LDLRAD2: variants seen among roughly 807,000 people sequenced by gnomAD.
LDLRAD2 encodes the protein low density lipoprotein receptor class A domain containing 2.
A neutral mutation model predicts 24.9 loss-of-function variants in LDLRAD2; 25 were observed. The observed-to-expected ratio is 1.00, with a 90% confidence interval of 0.73 to 1.40. LDLRAD2 has a LOEUF of 1.40. LDLRAD2 is among the 40% of genes most tolerant of loss of function. The pLI is 0.00. For missense variants in LDLRAD2, 391 were observed against 366.2 expected, an observed-to-expected ratio of 1.07 and a Z score of -0.55; for synonymous variants, 182 against 166.7, an observed-to-expected ratio of 1.09 and a Z score of -0.71.
At chr1:21,814,877 T>C in intron 2 of LDLRAD2, 54 bp downstream of exon 2, 2 of 1,396,410 alleles carry the variant, frequency 1.4e-6, no homozygotes, top group Non-Finnish European at 1.8e-6. Context: ...CATGCGGGAC[T>C]GGGGCCACAG....
At chr1:21,819,172 G>A (rs1277511658) in intron 3 of LDLRAD2, among the ~76,000 whole-genome samples, 2 of 151,740 alleles carry the variant, frequency 1.3e-5, no homozygotes, top group Non-Finnish European at 2.9e-5. Context: ...TCGGGAGTTC[G>A]AGACCAACCT....
At position 21,815,743 on chromosome 1, in the gene LDLRAD2, A is replaced by G. The variant is rs544883583; in HGVS notation, c.512-200A>G. 4.6e-5 allele frequency among the ~76,000 whole-genome samples: 7 copies of G among 152,308 alleles called. No homozygotes were observed. In the South Asian group the frequency reaches 1.4e-3, roughly 32 times the overall value. ...TGTAGTATTTACGGCTGTGCATGGC[A>G]CAGAAGAGGAAGTCAGTACATGTTA... On this transcript the variant is annotated intron_variant, in intron 2 of 4. Coordinates refer to ENST00000344642, the MANE Select transcript of LDLRAD2 (RefSeq NM_001013693.3).
At chr1:21,815,094 G>A (rs1170629139) in intron 2 of LDLRAD2, among the ~76,000 whole-genome samples, 5 of 152,024 alleles carry the variant, frequency 3.3e-5, no homozygotes, top group South Asian at 2.1e-4. Flanking sequence ...GCCCCAGTGC[G>A]CACACACATC....
rs563424051 is a variant in LDLRAD2, at chr1:21,820,440, G to A, written c.644-1010G>A. On this transcript the variant is annotated intron_variant, in intron 3 of 4. Transcript: ENST00000344642. The stretch of plus-strand genomic sequence containing the variant: ...CGGGAGGCTGAGGCAGGAGAATGGC[G>A]TGAACCCGGAAGGCGGAGCTTGCAG... Among the ~76,000 whole-genome samples the A allele has an allele frequency of 1.4e-4, 21 of 149,184 alleles. No individual in the cohort carries two copies. In the East Asian group the frequency reaches 3.8e-3, roughly 27 times the overall value.
In LDLRAD2 at chr1:21,823,516, G is replaced by A. The variant is rs1449004907; in HGVS notation, c.*1301G>A. 1 of 1,607,966 alleles carries A rather than the reference G, an allele frequency of 6.2e-7. No homozygotes were observed. The highest frequency in any genetic ancestry group is 1.3e-5 in the African/African-American group (1 of 74,912). On this transcript the variant is annotated 3_prime_UTR_variant, in exon 5 of 5. Transcript: ENST00000344642. ...GCCGGGAGGTGAGAGGACAGGGCCTGTGGGCTCCAGCAGCCCAGGAGGCGA... is the reference window on the plus strand; with the variant it reads ...GCCGGGAGGTGAGAGGACAGGGCCTATGGGCTCCAGCAGCCCAGGAGGCGA...
chr1:21,818,927 C>A (rs1265815580), intron 3 of LDLRAD2, among the ~76,000 whole-genome samples: 3 of 139,246 alleles, frequency 2.2e-5, no homozygotes, highest in Non-Finnish European at 3.1e-5. Context: ...CCCTCCCTGG[C>A]CCCGCCTCCC....
At position 21,823,272 on chromosome 1, in the gene LDLRAD2, G is replaced by T; in HGVS notation, c.*1057G>T. 6.9e-7 allele frequency: 1 copy of T among 1,438,966 alleles called. No homozygotes were observed. Among genetic ancestry groups the T allele is most frequent in the Non-Finnish European group, 9.2e-7 (1 of 1,088,758 alleles). The allele number at this position is 1,438,966 out of a possible 1,614,324, so 89.1% of individuals were successfully genotyped here. On this transcript the variant is annotated 3_prime_UTR_variant, in exon 5 of 5. Transcript: ENST00000344642. ...TAATAATAATATACTCGACATTGTC[G>T]GGCTGGGGCGTGGCCCGGGAGTCCG...
At position 21,824,047 on chromosome 1, in the gene LDLRAD2, G is replaced by T; in HGVS notation, c.*1832G>T. 1.5e-6 allele frequency: 2 copies of T among 1,360,624 alleles called. No homozygotes were observed. Among genetic ancestry groups the T allele is most frequent in the Non-Finnish European group, 2.1e-6 (2 of 968,156 alleles). The allele number at this position is 1,360,624 out of a possible 1,614,324, so 84.3% of individuals were successfully genotyped here. ...CACAGAGCTCAATACCTGCCTCTCT[G>T]CCCATGGTAGGGGGCGTCCTGCCCC... On this transcript the variant is annotated 3_prime_UTR_variant, in exon 5 of 5. Coordinates refer to ENST00000344642, the MANE Select transcript of LDLRAD2 (RefSeq NM_001013693.3). The surrounding 1 kb of genome is among the most constrained non-coding windows in gnomAD (Gnocchi z 5.9).
intron 3 of LDLRAD2, among the ~76,000 whole-genome samples, chr1:21,818,284 T>A (rs935599138): frequency 6.6e-6 from 1 of 152,204 alleles, no homozygotes; most frequent in African/African-American, 2.4e-5. Flanking sequence ...AGTGCTGGGA[T>A]TACAGGCGTG....
intron 1 of LDLRAD2, among the ~76,000 whole-genome samples, chr1:21,812,752 CT>C (rs1407050491): frequency 6.6e-6 from 1 of 152,202 alleles, no homozygotes; most frequent in Non-Finnish European, 1.5e-5. Flanking sequence ...AAGCAGGAGT[CT>C]GGGAGTGGGC....
chr1:21,819,098 G>A (rs2097947432), intron 3 of LDLRAD2, among the ~76,000 whole-genome samples: 2 of 152,012 alleles, frequency 1.3e-5, no homozygotes, highest in South Asian at 4.1e-4. Context: ...CCCTGGCCAG[G>A]TGCGGTGGCT....
intron 3 of LDLRAD2, among the ~76,000 whole-genome samples, chr1:21,818,447 T>C (rs1436990995): frequency 6.6e-6 from 1 of 152,202 alleles, no homozygotes; most frequent in Non-Finnish European, 1.5e-5. Flanking sequence ...TGCCCCACTA[T>C]TGGGATTTAT....
At position 21,823,866 on chromosome 1, in the gene LDLRAD2, G is replaced by C. The variant is rs1008997549; in HGVS notation, c.*1651G>C. On this transcript the variant is annotated 3_prime_UTR_variant, in exon 5 of 5. Transcript: ENST00000344642. ...GCTCTTTCTTTCCCCCGCTGAACGAGAGATCGGGCCCCACAAACACAGCTT... is the reference window on the plus strand; with the variant it reads ...GCTCTTTCTTTCCCCCGCTGAACGACAGATCGGGCCCCACAAACACAGCTT... 2.1e-5 allele frequency: 16 copies of C among 766,216 alleles called. No homozygotes were observed. In the African/African-American group the frequency reaches 2.8e-4, roughly 13 times the overall value. 47.5% of individuals were successfully genotyped at this position (766,216 alleles called of 1,614,324 possible). A position where few individuals can be genotyped will look rare whatever the true frequency, so the allele number is the denominator to read the frequency against.
intron 3 of LDLRAD2, among the ~76,000 whole-genome samples, chr1:21,818,711 C>T (rs1245600721): frequency 6.6e-6 from 1 of 152,158 alleles, no homozygotes; most frequent in Admixed American, 6.5e-5. Context: ...TGCTTCCCCG[C>T]CAGAGGTACC....
Position 21,824,014 on chromosome 1 carries a change from T to G in LDLRAD2, c.*1799T>G. The G allele has an allele frequency of 8.7e-7, 1 of 1,143,480 alleles. No individual in the cohort carries two copies. The highest frequency in any genetic ancestry group is 1.3e-5 in the South Asian group (1 of 76,116). The allele number at this position is 1,143,480 out of a possible 1,614,324, so 70.8% of individuals were successfully genotyped here. A position where few individuals can be genotyped will look rare whatever the true frequency, so the allele number is the denominator to read the frequency against. On this transcript the variant is annotated 3_prime_UTR_variant, in exon 5 of 5. Coordinates refer to ENST00000344642, the MANE Select transcript of LDLRAD2 (RefSeq NM_001013693.3). The surrounding 1 kb of genome is among the most constrained non-coding windows in gnomAD (Gnocchi z 5.9). Reference sequence around the variant, plus strand: ...GTTCTCCCCTCCCCTGGCTTCAAGTTCTGTCTCCACAGAGCTCAATACCTG... The same window carrying G: ...GTTCTCCCCTCCCCTGGCTTCAAGTGCTGTCTCCACAGAGCTCAATACCTG...
intron 3 of LDLRAD2, among the ~76,000 whole-genome samples, chr1:21,819,677 T>G: frequency 6.6e-6 from 1 of 151,102 alleles, no homozygotes; most frequent in African/African-American, 2.4e-5. Context: ...ATTGACGGAG[T>G]TGATGGAGTT....
chr1:21,824,951 G>A lies in LDLRAD2; in HGVS notation c.*2736G>A, dbSNP rs2097965899. The A allele has an allele frequency of 6.0e-6, 4 of 671,224 alleles. No homozygotes were observed. The East Asian group carries it at 1.1e-4, about 18-fold the overall frequency. The allele number at this position is 671,224 out of a possible 1,614,324, so 41.6% of individuals were successfully genotyped here. A position where few individuals can be genotyped will look rare whatever the true frequency, so the allele number is the denominator to read the frequency against. Reference sequence around the variant, plus strand: ...CAGAATTCAGGGAGCCTATGACCTTGGATGGGAAAGCATTACACCTCAATT... The same window carrying A: ...CAGAATTCAGGGAGCCTATGACCTTAGATGGGAAAGCATTACACCTCAATT... On this transcript the variant is annotated 3_prime_UTR_variant, in exon 5 of 5. Transcript: ENST00000344642. The surrounding 1 kb of genome is among the most constrained non-coding windows in gnomAD (Gnocchi z 5.9).
Position 21,821,616 on chromosome 1 carries a change from C to T in LDLRAD2, c.805+5C>T, listed in dbSNP as rs1386848804. The T allele has an allele frequency of 6.2e-7, 1 of 1,613,036 alleles. No homozygotes were observed. The highest frequency in any genetic ancestry group is 1.3e-5 in the African/African-American group (1 of 75,040). On this transcript the variant is annotated splice_donor_5th_base_variant and intron_variant, in intron 4 of 4. Coordinates refer to ENST00000344642, the MANE Select transcript of LDLRAD2 (RefSeq NM_001013693.3). ...GACAAGACGCAGCTTTGGAAGGTTA[C>T]ACCTTGCTCCTACTCTTCCCACCAA...
At chr1:21,812,657 G>A (rs1223854847) in intron 1 of LDLRAD2, 121 bp downstream of exon 1, 2 of 789,690 alleles carry the variant, frequency 2.5e-6, no homozygotes, top group African/African-American at 3.4e-5. Flanking sequence ...GCTGGGGGAG[G>A]CTGGGAAACT....
Sources: allele counts gnomAD v4.1 joint callset (sites outside exome capture counted in the v4.1 genomes callset), GRCh38; gene constraint gnomAD v4.1.1; non-coding constraint Gnocchi (gnomAD v3.1); transcripts MANE v1.5; gene names NCBI Gene and HGNC (gene_info 2026-07-23, HGNC 2026-07-21).